The following CGNL1 variants were observed in gnomAD, a reference collection of about 807,000 sequenced individuals.
The protein encoded by CGNL1 is cingulin-like protein 1.
Under a neutral mutation model 141.2 loss-of-function variants are expected in CGNL1, and 132 were observed. The ratio of observed to expected loss-of-function variants is 0.93; its 90% confidence interval spans 0.81 to 1.08. The LOEUF (loss-of-function observed/expected upper bound fraction) is 1.08. Ranked by LOEUF, CGNL1 falls within the 50% of genes least tolerant of loss-of-function variation. The pLI, the probability that CGNL1 is intolerant of heterozygous loss-of-function variation, is 0.00. For missense variants in CGNL1, 1,870 were observed against 1,588.6 expected (o/e 1.18, Z -3.01); for synonymous variants, 690 against 622.1 (o/e 1.11, Z -1.63).
At chr15:57,485,998 C>A (rs1301823099) in intron 8 of CGNL1, among the ~76,000 whole-genome samples, 1 of 152,144 alleles carries the variant, frequency 6.6e-6, no homozygotes, top group East Asian at 1.9e-4. Context: ...GCAAACCAGT[C>A]AAGGGCCAGG....
At chr15:57,421,752 T>G (rs1445737719) in intron 1 of CGNL1, among the ~76,000 whole-genome samples, 2 of 152,118 alleles carry the variant, frequency 1.3e-5, no homozygotes, top group Non-Finnish European at 2.9e-5. Flanking sequence ...CTCTTCAGTA[T>G]GCAGAGCTGT....
chr15:57,422,661 T>C (rs1439490688), intron 1 of CGNL1, among the ~76,000 whole-genome samples: 2 of 152,204 alleles, frequency 1.3e-5, no homozygotes, highest in Non-Finnish European at 2.9e-5. Context: ...GTTTAAGAGT[T>C]AATTACATTA....
chr15:57,481,075 T>TG (rs1186481260), intron 8 of CGNL1, among the ~76,000 whole-genome samples: 8 of 151,064 alleles, frequency 5.3e-5, no homozygotes, highest in African/African-American at 1.9e-4. Context: ...TTTTTTTTTT[T>TG]TTTTTTTTTT....
At chr15:57,508,254 C>T (rs2029903114) in intron 8 of CGNL1, among the ~76,000 whole-genome samples, 1 of 142,244 alleles carries the variant, frequency 7.0e-6, no homozygotes, top group Middle Eastern at 3.8e-3. Context: ...GAGTTCTGAA[C>T]TGTAGATGTG....
intron 4 of CGNL1, among the ~76,000 whole-genome samples, chr15:57,446,126 C>G: frequency 6.6e-6 from 1 of 152,138 alleles, no homozygotes; most frequent in Admixed American, 6.5e-5. Flanking sequence ...TATAAAGGGT[C>G]TTGGGAACAC....
intron 1 of CGNL1, among the ~76,000 whole-genome samples, chr15:57,414,661 A>AAACAACAACAAC (rs10527352): frequency 0.088 from 13,293 of 151,280 alleles, 683 homozygotes; most frequent in Admixed American, 0.14. Flanking sequence ...TTTAAAACCA[A>AAACAACAACAAC]AACAACAACA....
chr15:57,378,335 G>C lies in CGNL1; in HGVS notation c.-16+1768G>C, dbSNP rs896448006. On this transcript the variant is annotated intron_variant, in intron 1 of 18. Coordinates refer to ENST00000281282, the MANE Select transcript of CGNL1 (RefSeq NM_032866.5). ...CCTGACCACAAATCAGTGGTTTTAA[G>C]TTTTTCTTAGGGGGTGGCCCTCTAT... is the stretch of plus-strand genomic sequence containing the variant. Among the ~76,000 whole-genome samples, 43 of 77,430 alleles carry C rather than the reference G, an allele frequency of 5.6e-4. No homozygotes were observed. The Middle Eastern group carries it at 0.029, about 53-fold the overall frequency. The allele number at this position is 77,430 out of a possible 152,430, so 50.8% of individuals were successfully genotyped here.
rs1374184011 is a variant in CGNL1 at position 57,538,787 on chromosome 15, TCTC to T, written c.3292-4906_3292-4904del. Among the ~76,000 whole-genome samples the T allele has an allele frequency of 3.3e-5, 5 of 152,296 alleles. No individual in the cohort carries two copies. The East Asian group carries it at 5.8e-4, about 18-fold the overall frequency. On this transcript the variant is annotated intron_variant, in intron 14 of 18. Coordinates refer to ENST00000281282, the MANE Select transcript of CGNL1 (RefSeq NM_032866.5). ...CTGCCTCACTCCACCATAGACACGT[TCTC>T]CTTCTGGGCTCCACAGTCCCGGTCT...
intron 8 of CGNL1, among the ~76,000 whole-genome samples, chr15:57,491,892 C>T (rs1345150277): frequency 1.3e-5 from 2 of 152,088 alleles, no homozygotes; most frequent in Non-Finnish European, 2.9e-5. Flanking sequence ...ATACCTGGCC[C>T]AGTATATGTA....
At chr15:57,527,918 T>C (rs1455658518) in intron 12 of CGNL1, among the ~76,000 whole-genome samples, 1 of 152,174 alleles carries the variant, frequency 6.6e-6, no homozygotes, top group Non-Finnish European at 1.5e-5. Context: ...AACATGTATT[T>C]AGTTAAGGGG....
intron 8 of CGNL1, among the ~76,000 whole-genome samples, chr15:57,468,058 C>T (rs2063531590): frequency 6.6e-6 from 1 of 151,978 alleles, no homozygotes; most frequent in Non-Finnish European, 1.5e-5. Context: ...TCAAAATAAT[C>T]CACTTTGTTG....
chr15:57,424,190 G>A (rs56292647), intron 1 of CGNL1, among the ~76,000 whole-genome samples: 44,295 of 152,086 alleles, frequency 0.29, 6,975 homozygotes, highest in Non-Finnish European at 0.36. Context: ...GATTTGTCTA[G>A]CACGTTTCTC....
chr15:57,525,206 G>A, intron 12 of CGNL1, among the ~76,000 whole-genome samples: 1 of 152,138 alleles, frequency 6.6e-6, no homozygotes, highest in Non-Finnish European at 1.5e-5. Flanking sequence ...AACAATAATG[G>A]CGAGTAAAAG....
intron 1 of CGNL1, among the ~76,000 whole-genome samples, chr15:57,419,477 T>C (rs1476655168): frequency 6.6e-6 from 1 of 152,220 alleles, no homozygotes; most frequent in African/African-American, 2.4e-5. Context: ...TCCAGGATAC[T>C]ACATTTAGTT....
rs3985737 is a variant in CGNL1 at position 57,447,805 on chromosome 15, CGTGTGTGT to C, written c.1804-3662_1804-3655del. Among the ~76,000 whole-genome samples, 550 of 144,358 alleles carry C rather than the reference CGTGTGTGT, an allele frequency of 3.8e-3. 1 individual carries two copies. The highest frequency in any genetic ancestry group is 5.3e-3 in the Non-Finnish European group (346 of 65,504). 94.7% of individuals were successfully genotyped at this position (144,358 alleles called of 152,430 possible). ...TCTTGTGCTCTATTCTCTCTCTTTTCGTGTGTGTGTGTGTGTGTGTGTGTGTGTGTGTG... is the reference window on the plus strand; with the variant it reads ...TCTTGTGCTCTATTCTCTCTCTTTTCGTGTGTGTGTGTGTGTGTGTGTGTG... On this transcript the variant is annotated intron_variant, in intron 4 of 18. Coordinates refer to ENST00000281282, the MANE Select transcript of CGNL1 (RefSeq NM_032866.5).
intron 14 of CGNL1, among the ~76,000 whole-genome samples, chr15:57,535,076 A>C (rs1014607128): frequency 6.6e-6 from 1 of 151,918 alleles, no homozygotes; most frequent in Admixed American, 6.6e-5. Context: ...TCAGAGTCCA[A>C]CTCTCCCCAC....
At chr15:57,380,644 G>A (rs747375146) in intron 1 of CGNL1, among the ~76,000 whole-genome samples, 17 of 152,132 alleles carry the variant, frequency 1.1e-4, no homozygotes, top group Non-Finnish European at 2.1e-4. Context: ...GGAAATGTCC[G>A]ACTCCAGGAG....
intron 8 of CGNL1, among the ~76,000 whole-genome samples, chr15:57,491,960 C>T (rs1478705036): frequency 6.6e-6 from 1 of 152,120 alleles, no homozygotes; most frequent in Non-Finnish European, 1.5e-5. Flanking sequence ...CTGTCACAGC[C>T]AAGAGGAGCC....
chr15:57,549,539 G>T lies in CGNL1; in HGVS notation c.*2049G>T, dbSNP rs1156985605. The T allele has an allele frequency of 6.6e-6, 1 of 152,154 alleles. No individual in the cohort carries two copies. The highest frequency in any genetic ancestry group is 1.5e-5 in the Non-Finnish European group (1 of 68,030). 9.4% of individuals were successfully genotyped at this position (152,154 alleles called of 1,614,324 possible). ...ACTGTCATCCTCACCACAGCCAGGGGTGATTCTCACCTCTGCCTGCTTATG... is the reference window on the plus strand; with the variant it reads ...ACTGTCATCCTCACCACAGCCAGGGTTGATTCTCACCTCTGCCTGCTTATG... On this transcript the variant is annotated 3_prime_UTR_variant, in exon 19 of 19. Transcript: ENST00000281282.
Sources: allele counts gnomAD v4.1 joint callset (sites outside exome capture counted in the v4.1 genomes callset), GRCh38; gene constraint gnomAD v4.1.1; transcripts MANE v1.5; gene names NCBI Gene and HGNC (gene_info 2026-07-23, HGNC 2026-07-21).